PTPN11: variants seen among roughly 807,000 people sequenced by gnomAD.
PTPN11 encodes the protein protein tyrosine phosphatase non-receptor type 11, also known as tyrosine-protein phosphatase non-receptor type 11.
Under a neutral mutation model 78.8 loss-of-function variants are expected in PTPN11, and 6 were observed. The observed-to-expected ratio is 0.08, with a 90% CI of 0.04 to 0.15. The LOEUF is 0.15. PTPN11 is among the 10% of genes least tolerant of loss of function. The probability of loss-of-function intolerance (pLI) is 1.00; values close to 1 mark genes in which losing one functional copy is unlikely to be tolerated. For synonymous variants in PTPN11, 221 were observed against 263.5 expected, an observed-to-expected ratio of 0.84 and a Z score of 1.56; for missense variants, 386 against 744.8, an observed-to-expected ratio of 0.52 and a Z score of 5.61.
At chr12:112,428,143 A>C (rs545407026) in intron 1 of PTPN11, among the ~76,000 whole-genome samples, 1 of 152,246 alleles carries the variant, frequency 6.6e-6, no homozygotes, top group South Asian at 2.1e-4. Flanking sequence ...GAGGACTGGA[A>C]ATTTATTTGT....
chr12:112,462,394 C>G (rs1380324165), intron 6 of PTPN11, among the ~76,000 whole-genome samples: 1 of 151,948 alleles, frequency 6.6e-6, no homozygotes, highest in African/African-American at 2.4e-5. Context: ...GCCTTAGACT[C>G]ATTTGTAATC....
chr12:112,418,990 C>T lies in PTPN11; in HGVS notation c.-122C>T. On this transcript the variant is annotated 5_prime_UTR_variant, in exon 1 of 16. Coordinates refer to ENST00000351677, the MANE Select transcript of PTPN11 (RefSeq NM_002834.5). ...GCCTGGAGGGGGGTCTGTGCGCGGC[C>T]GGCTGGCTCTGCCCCGCGTCCGGTC... 1 of 1,289,974 alleles carries T rather than the reference C, an allele frequency of 7.8e-7. No individual in the cohort carries two copies. The highest frequency in any genetic ancestry group is 1.1e-6 in the Non-Finnish European group (1 of 931,718). 79.9% of individuals were successfully genotyped at this position (1,289,974 alleles called of 1,614,324 possible).
intron 6 of PTPN11, among the ~76,000 whole-genome samples, chr12:112,464,524 C>T (rs535912628): frequency 4.6e-5 from 7 of 152,134 alleles, no homozygotes; most frequent in East Asian, 1.9e-4. Flanking sequence ...CTCCACCTCC[C>T]GGGTTCTTGT....
At chr12:112,434,627 A>C (rs2037762170) in intron 1 of PTPN11, among the ~76,000 whole-genome samples, 1 of 151,946 alleles carries the variant, frequency 6.6e-6, no homozygotes, top group Non-Finnish European at 1.5e-5. Flanking sequence ...AAAAGAGAGA[A>C]AGATCTTCAA....
At chr12:112,469,018 C>T (rs1257326004) in intron 6 of PTPN11, among the ~76,000 whole-genome samples, 1 of 152,118 alleles carries the variant, frequency 6.6e-6, no homozygotes. Flanking sequence ...GAGCTATGAT[C>T]ATACCACTGC....
intron 5 of PTPN11, 108 bp downstream of exon 5, chr12:112,454,788 A>G (rs1327796412): frequency 1.3e-6 from 1 of 749,398 alleles, no homozygotes; most frequent in Non-Finnish European, 2.4e-6. Context: ...ATCAGCCTCC[A>G]TGTACCCATT....
chr12:112,440,965 CTTT>C (rs376303682), intron 1 of PTPN11, among the ~76,000 whole-genome samples: 3 of 131,512 alleles, frequency 2.3e-5, no homozygotes, highest in South Asian at 2.5e-4. Flanking sequence ...CTTTTCTTTT[CTTT>C]TTTTTTTTTT....
chr12:112,425,119 C>CA (rs372050381), intron 1 of PTPN11, among the ~76,000 whole-genome samples: 202 of 151,848 alleles, frequency 1.3e-3, no homozygotes, highest in African/African-American at 4.8e-3. Flanking sequence ...CTCCAAAGTG[C>CA]TGGAGATTAC....
intron 1 of PTPN11, among the ~76,000 whole-genome samples, chr12:112,442,804 T>G (rs1214738874): frequency 7.8e-6 from 1 of 128,094 alleles, no homozygotes; most frequent in African/African-American, 2.8e-5. Flanking sequence ...CCATGTTTAC[T>G]CTCTCTCCTC....
intron 13 of PTPN11, among the ~76,000 whole-genome samples, chr12:112,496,107 C>T (rs1420014358): frequency 6.6e-6 from 1 of 152,108 alleles, no homozygotes; most frequent in African/African-American, 2.4e-5. Flanking sequence ...TCCTTCTCTC[C>T]ATTTATTTAT....
At chr12:112,477,761 C>G (rs2038529701) in intron 8 of PTPN11, 31 bp downstream of exon 8, 1 of 1,604,572 alleles carries the variant, frequency 6.2e-7, no homozygotes, top group Non-Finnish European at 8.5e-7. Context: ...TGTTTTCTGA[C>G]CATACATTTC....
At chr12:112,419,734 C>A (rs1041440939) in intron 1 of PTPN11, among the ~76,000 whole-genome samples, 2 of 152,316 alleles carry the variant, frequency 1.3e-5, no homozygotes, top group South Asian at 4.1e-4. Flanking sequence ...CTGCGATCTT[C>A]GCTTTGGGAG....
intron 1 of PTPN11, among the ~76,000 whole-genome samples, chr12:112,442,028 C>T (rs927807895): frequency 1.1e-4 from 16 of 151,472 alleles, no homozygotes; most frequent in African/African-American, 3.6e-4. Context: ...CCGCCCGCCT[C>T]GGCCTCCCAA....
At chr12:112,474,612 CTTAT>C (rs1204279226) in intron 7 of PTPN11, among the ~76,000 whole-genome samples, 1 of 149,224 alleles carries the variant, frequency 6.7e-6, no homozygotes, top group South Asian at 2.2e-4. Flanking sequence ...CTTTTTTCTA[CTTAT>C]TTATTTATTT....
chr12:112,481,941 C>G, intron 9 of PTPN11, 133 bp from the exon 10 acceptor site: 1 of 959,628 alleles, frequency 1.0e-6, no homozygotes, highest in South Asian at 1.4e-5. Context: ...TTCTGAAAAC[C>G]TAACAGATGC....
At chr12:112,462,140 T>C (rs1278662075) in intron 6 of PTPN11, among the ~76,000 whole-genome samples, 1 of 152,228 alleles carries the variant, frequency 6.6e-6, no homozygotes, top group Non-Finnish European at 1.5e-5. Context: ...GGAGGATCGC[T>C]GGACCTCAGG....
chr12:112,435,332 C>T (rs1320779554), intron 1 of PTPN11, among the ~76,000 whole-genome samples: 4 of 152,282 alleles, frequency 2.6e-5, no homozygotes, highest in Admixed American at 2.0e-4. Context: ...GTACAAAGAT[C>T]TGCATAAAAG....
intron 7 of PTPN11, 91 bp downstream of exon 7, chr12:112,473,131 G>A (rs1156242687): frequency 9.3e-7 from 1 of 1,071,826 alleles, no homozygotes; most frequent in African/African-American, 1.6e-5. Context: ...GTGTGCTCTT[G>A]TTAGCACATC....
chr12:112,496,102 C>T (rs551716014), intron 13 of PTPN11, among the ~76,000 whole-genome samples: 1 of 152,296 alleles, frequency 6.6e-6, no homozygotes, highest in South Asian at 2.1e-4. Flanking sequence ...TTTGTTCCTT[C>T]TCTCCATTTA....
Sources: gnomAD v4.1 joint callset for allele counts (sites outside exome capture counted in the v4.1 genomes callset) on GRCh38, gnomAD v4.1.1 for gene constraint, MANE v1.5 for transcripts, NCBI Gene and HGNC (gene_info 2026-07-23, HGNC 2026-07-21) for gene names.